The following MYO19 variants were observed in gnomAD, a reference collection of about 807,000 sequenced individuals.
The protein encoded by MYO19 is myosin XIX, also known as unconventional myosin-XIX.
In MYO19, 132 loss-of-function variants were observed where a neutral mutation model predicts 129.2. That is an observed-to-expected ratio of 1.02 (90% CI 0.89 to 1.18). The LOEUF (loss-of-function observed/expected upper bound fraction) is 1.18, where lower values mean the gene tolerates loss of function less well. MYO19 is among the 50% of genes most tolerant of loss of function. MYO19 has a pLI of 0.00. For synonymous variants in MYO19, 531 were observed against 477.2 expected (o/e 1.11, Z -1.47); for missense variants, 1,210 against 1,216.7 (o/e 0.99, Z 0.08).
chr17:36,509,364 C>A (rs1295764397), intron 13 of MYO19: 13 of 586,948 alleles, frequency 2.2e-5, no homozygotes, highest in South Asian at 6.0e-5. Context: ...CCTGGCATGT[C>A]CTTATGGGAA....
rs377576238 is a variant in MYO19, at chr17:36,509,306, T to A, written c.1158-171A>T. The stretch of plus-strand genomic sequence containing the variant: ...GCTTCCGGCCTATCACGTCTTGACC[T>A]ACTACAGATGCAGGCTATGGGCATG... On this transcript the variant is annotated intron_variant, in intron 13 of 25. Coordinates refer to ENST00000614623, the MANE Select transcript of MYO19 (RefSeq NM_001163735.2). 5 of 634,068 alleles carry A rather than the reference T, an allele frequency of 7.9e-6. No individual in the cohort carries two copies. The South Asian group carries it at 9.1e-5, about 12-fold the overall frequency. The allele number at this position is 634,068 out of a possible 1,614,324, so 39.3% of individuals were successfully genotyped here. A position where few individuals can be genotyped will look rare whatever the true frequency, so the allele number is the denominator to read the frequency against.
chr17:36,505,549 C>A, intron 18 of MYO19, 145 bp from the exon 19 acceptor site: 1 of 624,912 alleles, frequency 1.6e-6, no homozygotes, highest in Non-Finnish European at 2.8e-6. Flanking sequence ...GGGATGACTG[C>A]TGCAGGCTCT....
At chr17:36,522,661 G>A (rs1440615405) in intron 6 of MYO19, among the ~76,000 whole-genome samples, 1 of 152,142 alleles carries the variant, frequency 6.6e-6, no homozygotes. Flanking sequence ...CTTGAGGCCA[G>A]GAGTTCAAGA....
At chr17:36,496,499 G>T in intron 25 of MYO19, 93 bp from the exon 26 acceptor site, 1 of 1,232,136 alleles carries the variant, frequency 8.1e-7, no homozygotes, top group Non-Finnish European at 1.2e-6. Flanking sequence ...AATGCAAGAA[G>T]GTATGGACAA....
chr17:36,533,046 G>A lies in MYO19; in HGVS notation c.-143-365C>T, dbSNP rs539196956. On this transcript the variant is annotated intron_variant, in intron 2 of 25. Transcript: ENST00000614623. ...AGTCGTTGGTGAGGAGGAGAGGCTGGAGTCATCTCTCGCTGCTCCAGGAAA... is the reference window on the plus strand; with the variant it reads ...AGTCGTTGGTGAGGAGGAGAGGCTGAAGTCATCTCTCGCTGCTCCAGGAAA... 13 of 158,030 alleles carry A rather than the reference G, an allele frequency of 8.2e-5. No homozygotes were observed. The South Asian group carries it at 1.3e-3, about 16-fold the overall frequency. The allele number at this position is 158,030 out of a possible 1,614,324, so 9.8% of individuals were successfully genotyped here.
chr17:36,498,054 T>C (rs1397458623), intron 25 of MYO19: 4 of 544,258 alleles, frequency 7.3e-6, no homozygotes, highest in Non-Finnish European at 1.3e-5. Context: ...AAGCAGTTTT[T>C]AAAAAGATAA....
chr17:36,527,246 A>G (rs1291323565), intron 5 of MYO19, among the ~76,000 whole-genome samples: 1 of 152,190 alleles, frequency 6.6e-6, no homozygotes, highest in Non-Finnish European at 1.5e-5. Context: ...TAATACCTTT[A>G]TAAATCCTTT....
chr17:36,503,023 C>T, intron 21 of MYO19, 74 bp downstream of exon 21: 1 of 1,313,048 alleles, frequency 7.6e-7, no homozygotes, highest in Non-Finnish European at 1.1e-6. Context: ...AGCCCCTAGC[C>T]CTAAGACAGG....
chr17:36,497,955 G>A (rs2071154120), intron 25 of MYO19: 1 of 376,706 alleles, frequency 2.7e-6, no homozygotes, highest in Non-Finnish European at 4.8e-6. Context: ...GTGGTTCATG[G>A]AGCATCAGAA....
At chr17:36,513,585 GT>G in intron 10 of MYO19, 43 bp downstream of exon 10, 1 of 1,613,708 alleles carries the variant, frequency 6.2e-7, no homozygotes. Flanking sequence ...GAGTGGGTGG[GT>G]GATGCTGGGT....
In MYO19 at chr17:36,507,010, C is replaced by T. The variant is rs2071949898; in HGVS notation, c.1597G>A (p.Ala533Thr). 6.2e-7 allele frequency: 1 copy of T among 1,613,082 alleles called. No homozygotes were observed. The highest frequency in any genetic ancestry group is 1.3e-5 in the African/African-American group (1 of 74,938). Residue 533 changes from alanine (A) to threonine (T), a missense_variant, in exon 17 of 26, where the codon GCG (alanine) becomes ACG (threonine). Ala to Thr is a moderately conservative substitution (Grantham distance 58, BLOSUM62 0). Transcript: ENST00000614623. ...REPSFIVVHY[A>T]GPVRYHTAGL... is the part of the protein sequence containing the mutation. ...GCTGTGTGGTACCGCACAGGCCCCG[C>T]ATAATGCACCACAATGAAGCTGGGC... is the stretch of plus-strand genomic sequence containing the variant.
chr17:36,509,358 G>T, intron 13 of MYO19: 1 of 592,680 alleles, frequency 1.7e-6, no homozygotes, highest in Non-Finnish European at 3.0e-6. Flanking sequence ...CACAAACCTG[G>T]CATGTCCTTA....
intron 6 of MYO19, 137 bp from the exon 7 acceptor site, chr17:36,516,127 C>T: frequency 9.5e-7 from 1 of 1,050,044 alleles, no homozygotes; most frequent in South Asian, 1.8e-5. Flanking sequence ...CAGAATTCAA[C>T]CCTGGCCTCA....
intron 24 of MYO19, 119 bp from the exon 25 acceptor site, chr17:36,498,678 GC>G (rs1375035106): frequency 2.5e-6 from 3 of 1,222,774 alleles, no homozygotes; most frequent in Non-Finnish European, 3.3e-6. Context: ...GCACCTGGTT[GC>G]AAACAGCTGG....
At position 36,498,604 on chromosome 17, in the gene MYO19, C is replaced by T. The variant is rs776327538; in HGVS notation, c.2464-45G>A. ...TTTATAGCTTTAGATTTATCTAGCC[C>T]TCTTAGCAGAAAATGGAAATCAAAA... On this transcript the variant is annotated intron_variant, in intron 24 of 25. Coordinates refer to ENST00000614623, the MANE Select transcript of MYO19 (RefSeq NM_001163735.2). 11 of 1,530,398 alleles carry T rather than the reference C, an allele frequency of 7.2e-6. No individual in the cohort carries two copies. In the East Asian group the frequency reaches 1.2e-4, roughly 16 times the overall value. 94.8% of individuals were successfully genotyped at this position (1,530,398 alleles called of 1,614,324 possible). A position where few individuals can be genotyped will look rare whatever the true frequency, so the allele number is the denominator to read the frequency against.
chr17:36,498,657 G>A (rs904806971), intron 24 of MYO19, 98 bp from the exon 25 acceptor site: 3 of 1,356,006 alleles, frequency 2.2e-6, no homozygotes, highest in South Asian at 1.5e-5. Context: ...TCTTAACAAG[G>A]TGAACTGAAG....
chr17:36,504,163 T>A (rs2071722190), intron 19 of MYO19, 143 bp from the exon 20 acceptor site: 3 of 565,582 alleles, frequency 5.3e-6, no homozygotes, highest in African/African-American at 3.9e-5. Flanking sequence ...GGGTATCTCC[T>A]TGGGGCTGTG....
At chr17:36,533,433 A>G (rs915324657) in intron 2 of MYO19, 20 of 152,250 alleles carry the variant, frequency 1.3e-4, no homozygotes, top group African/African-American at 4.6e-4. Context: ...TCTTTGAAGA[A>G]TGGTTAAGTG....
Position 36,515,934 on chromosome 17 carries a change from T to C in MYO19, c.471A>G (p.Ala157=). The stretch of plus-strand genomic sequence containing the variant: ...CTGCAATCTTGTGGCTCTCCCAAGA[T>C]GCAGGTGAGGTGGCCACCACAGCAT... ...KFYAVVATSP[A]SWESHKIAER... Residue 157 remains alanine, a synonymous_variant, in exon 7 of 26, where the codon GCA becomes GCG. Coordinates refer to ENST00000614623, the MANE Select transcript of MYO19 (RefSeq NM_001163735.2). 1 of 1,613,870 alleles carries C rather than the reference T, an allele frequency of 6.2e-7. No homozygotes were observed. The highest frequency in any genetic ancestry group is 1.1e-5 in the South Asian group (1 of 91,070).
Sources: allele counts gnomAD v4.1 joint callset (sites outside exome capture counted in the v4.1 genomes callset), GRCh38; gene constraint gnomAD v4.1.1; transcripts MANE v1.5; gene names NCBI Gene and HGNC (gene_info 2026-07-23, HGNC 2026-07-21).